Variants in EXOC2 observed in about 807,000 individuals in gnomAD.
The protein encoded by EXOC2 is exocyst complex component 2.
In EXOC2, 70 loss-of-function variants were observed where a neutral mutation model predicts 131.8. The ratio of observed to expected loss-of-function variants is 0.53; its 90% confidence interval spans 0.44 to 0.65. The LOEUF (loss-of-function observed/expected upper bound fraction) is 0.65, where lower values mean the gene tolerates loss of function less well. Ranked by LOEUF, EXOC2 falls within the 30% of genes least tolerant of loss-of-function variation. The pLI, the probability that EXOC2 is intolerant of heterozygous loss-of-function variation, is 0.00. For synonymous variants in EXOC2, 411 were observed against 398.4 expected, an observed-to-expected ratio of 1.03 and a Z score of -0.38; for missense variants, 923 against 1,108.6, an observed-to-expected ratio of 0.83 and a Z score of 2.38.
At chr6:600,751 CAG>C (rs4060990) in intron 7 of EXOC2, among the ~76,000 whole-genome samples, 15,952 of 151,644 alleles carry the variant, frequency 0.11, 1,554 homozygotes, top group African/African-American at 0.26. Flanking sequence ...AAAATAGAGA[CAG>C]AGAAAAATTT....
chr6:687,885 G>A (rs1301721581), intron 1 of EXOC2, among the ~76,000 whole-genome samples: 2 of 152,212 alleles, frequency 1.3e-5, no homozygotes, highest in Non-Finnish European at 2.9e-5. Context: ...ATCAAGGGAG[G>A]ATTCTAGTTT....
chr6:618,466 A>G (rs1761122206), intron 5 of EXOC2, among the ~76,000 whole-genome samples: 1 of 152,188 alleles, frequency 6.6e-6, no homozygotes, highest in Non-Finnish European at 1.5e-5. Flanking sequence ...ATCCGGCTAT[A>G]AAACTTTAAA....
chr6:527,771 T>C (rs1211703408), intron 23 of EXOC2, among the ~76,000 whole-genome samples: 1 of 152,250 alleles, frequency 6.6e-6, no homozygotes, highest in Non-Finnish European at 1.5e-5. Flanking sequence ...CAAAAATAAG[T>C]TCACTATTTA....
chr6:557,614 T>G (rs1216011023), intron 17 of EXOC2, among the ~76,000 whole-genome samples: 1 of 59,220 alleles, frequency 1.7e-5, no homozygotes. Context: ...AGAGACTTCA[T>G]CTCAAAAAAA....
intron 12 of EXOC2, among the ~76,000 whole-genome samples, chr6:575,954 C>G (rs191602777): frequency 6.6e-6 from 1 of 152,142 alleles, no homozygotes; most frequent in African/African-American, 2.4e-5. Context: ...GTTATGGAAG[C>G]CTTTCATTTA....
intron 6 of EXOC2, among the ~76,000 whole-genome samples, chr6:615,240 T>C (rs1561927960): frequency 6.6e-6 from 1 of 151,872 alleles, no homozygotes; most frequent in African/African-American, 2.4e-5. Context: ...TATTTATCTA[T>C]CTGTCTCACC....
At chr6:582,056 T>A (rs3799308) in intron 11 of EXOC2, among the ~76,000 whole-genome samples, 14,702 of 152,244 alleles carry the variant, frequency 0.097, 1,253 homozygotes, top group East Asian at 0.36. Context: ...TCACTAGAAG[T>A]GTAGAAATAA....
At chr6:525,023 G>T (rs2493032) in intron 23 of EXOC2, 145,502 of 152,298 alleles carry the variant, frequency 0.96, 69,579 homozygotes, top group East Asian at 1. Context: ...CCAGTCTGTC[G>T]GCTTTTGACG....
At chr6:692,700 T>A (rs6906847) in intron 1 of EXOC2, among the ~76,000 whole-genome samples, 1 of 152,202 alleles carries the variant, frequency 6.6e-6, no homozygotes, top group Admixed American at 6.5e-5. Flanking sequence ...CGGCGCAGTC[T>A]GGGGCCAGCT....
intron 1 of EXOC2, chr6:656,587 A>G: frequency 6.3e-7 from 1 of 1,593,724 alleles, no homozygotes; most frequent in Non-Finnish European, 8.5e-7. Flanking sequence ...CCCAGGGACG[A>G]GACCAGCTCC....
At chr6:598,182 C>CA (rs1759926859) in intron 9 of EXOC2, 59 bp from the exon 10 acceptor site, 2 of 1,419,178 alleles carry the variant, frequency 1.4e-6, no homozygotes, top group East Asian at 4.9e-5. Flanking sequence ...TATCAAATTT[C>CA]AAAAAGCAGA....
At chr6:631,342 A>C (rs1425424004) in intron 3 of EXOC2, among the ~76,000 whole-genome samples, 1 of 152,176 alleles carries the variant, frequency 6.6e-6, no homozygotes, top group Non-Finnish European at 1.5e-5. Flanking sequence ...GTTCGAGACC[A>C]GCCTGACCAA....
chr6:553,607 T>C (rs761335150), intron 21 of EXOC2, among the ~76,000 whole-genome samples: 1 of 152,006 alleles, frequency 6.6e-6, no homozygotes, highest in Non-Finnish European at 1.5e-5. Flanking sequence ...CATTTAACAC[T>C]CGGAAACCAC....
At chr6:568,814 C>T (rs987899375) in intron 13 of EXOC2, among the ~76,000 whole-genome samples, 1 of 152,130 alleles carries the variant, frequency 6.6e-6, no homozygotes, top group Non-Finnish European at 1.5e-5. Flanking sequence ...GCGTGAAAAT[C>T]TGTTGTTAAA....
rs1223903950 is a variant in EXOC2 at position 634,294 on chromosome 6, A to T, written c.119-1177T>A. On this transcript the variant is annotated intron_variant, in intron 2 of 27. Coordinates refer to ENST00000230449, the MANE Select transcript of EXOC2 (RefSeq NM_018303.6). ...GAGACACAGTTTCGTCATGCTGGTCAGGCTGGTCTCGAACTCCTGGCCTCA... is the reference window on the plus strand; with the variant it reads ...GAGACACAGTTTCGTCATGCTGGTCTGGCTGGTCTCGAACTCCTGGCCTCA... Among the ~76,000 whole-genome samples, 4 of 152,282 alleles carry T rather than the reference A, an allele frequency of 2.6e-5. No homozygotes were observed. In the East Asian group the frequency reaches 7.7e-4, roughly 29 times the overall value.
intron 23 of EXOC2, among the ~76,000 whole-genome samples, chr6:503,895 C>T (rs1764373418): frequency 6.6e-6 from 1 of 152,196 alleles, no homozygotes; most frequent in South Asian, 2.1e-4. Flanking sequence ...CCCGTGGGCT[C>T]TTGGGTCCAA....
At position 570,156 on chromosome 6, in the gene EXOC2, C is replaced by T. The variant is rs563937233; in HGVS notation, c.1443+2364G>A. On this transcript the variant is annotated intron_variant, in intron 13 of 27. Coordinates refer to ENST00000230449, the MANE Select transcript of EXOC2 (RefSeq NM_018303.6). Reference sequence around the variant, plus strand: ...TTTCTCTTTTTTTTTTTTTTTGAGACGGAGTCTCGCGCTGTCGCCCAGGCT... The same window carrying T: ...TTTCTCTTTTTTTTTTTTTTTGAGATGGAGTCTCGCGCTGTCGCCCAGGCT... Among the ~76,000 whole-genome samples the T allele has an allele frequency of 3.9e-3, 524 of 136,066 alleles. 2 individuals are homozygous for T. The highest frequency in any genetic ancestry group is 0.014 in the African/African-American group (505 of 35,630). The allele number at this position is 136,066 out of a possible 152,430, so 89.3% of individuals were successfully genotyped here. A position where few individuals can be genotyped will look rare whatever the true frequency, so the allele number is the denominator to read the frequency against.
At chr6:534,498 AT>A (rs1766316235) in intron 22 of EXOC2, among the ~76,000 whole-genome samples, 1 of 152,174 alleles carries the variant, frequency 6.6e-6, no homozygotes, top group Non-Finnish European at 1.5e-5. Flanking sequence ...CAAAACAATA[AT>A]TTACTTACAA....
rs66637987 is a variant in EXOC2 at position 654,803 on chromosome 6, C to CAAAAAAAAAAAAAAAAAAA, written c.-43-16961_-43-16943dup. Among the ~76,000 whole-genome samples the CAAAAAAAAAAAAAAAAAAA allele has an allele frequency of 2.7e-4, 8 of 29,570 alleles. 1 individual carries two copies. Among genetic ancestry groups the CAAAAAAAAAAAAAAAAAAA allele is most frequent in the African/African-American group, 2.9e-4 (3 of 10,516 alleles). 19.4% of individuals were successfully genotyped at this position (29,570 alleles called of 152,430 possible). A position where few individuals can be genotyped will look rare whatever the true frequency, so the allele number is the denominator to read the frequency against. ...TGGGTGACAGAGTAAGACCCTGTCT[C>CAAAAAAAAAAAAAAAAAAA]AAAAAAAAAAAAAAAAAAAAAAAAA... On this transcript the variant is annotated intron_variant, in intron 1 of 27. Coordinates refer to ENST00000230449, the MANE Select transcript of EXOC2 (RefSeq NM_018303.6).
Sources: gnomAD v4.1 joint callset for allele counts (sites outside exome capture counted in the v4.1 genomes callset) on GRCh38, gnomAD v4.1.1 for gene constraint, MANE v1.5 for transcripts, NCBI Gene and HGNC (gene_info 2026-07-23, HGNC 2026-07-21) for gene names.